KTN1: variants seen among roughly 807,000 people sequenced by gnomAD.
KTN1 encodes the protein kinectin.
KTN1 carries 130 observed loss-of-function variants against 222.5 expected under a neutral mutation model. The observed-to-expected ratio is 0.58, with a 90% confidence interval of 0.51 to 0.68. The LOEUF is 0.68. Among genes scored for constraint, KTN1 ranks in the 30% least tolerant of loss-of-function variants. KTN1 has a pLI of 0.00. For synonymous variants in KTN1, 512 were observed against 496.3 expected (o/e 1.03, Z -0.42); for missense variants, 1,508 against 1,500.4 (o/e 1.01, Z -0.08).
chr14:55,644,175 A>T, intron 18 of KTN1: 258 of 374,732 alleles, frequency 6.9e-4, no homozygotes, highest in Middle Eastern at 1.5e-3. Context: ...AGTCGTTTTT[A>T]TTGTTGCTGC....
chr14:55,592,979 T>C (rs183090963), intron 1 of KTN1, among the ~76,000 whole-genome samples: 8 of 152,348 alleles, frequency 5.3e-5, no homozygotes, highest in African/African-American at 1.9e-4. Flanking sequence ...AATTGTTCTA[T>C]CATTTTTTTC....
At chr14:55,614,092 TATAG>T (rs1320757568) in intron 2 of KTN1, among the ~76,000 whole-genome samples, 1 of 151,912 alleles carries the variant, frequency 6.6e-6, no homozygotes, top group East Asian at 1.9e-4. Flanking sequence ...CAACGTGAGG[TATAG>T]AGAGTGGTAG....
At chr14:55,616,049 C>G (rs2038345247) in intron 2 of KTN1, among the ~76,000 whole-genome samples, 1 of 151,950 alleles carries the variant, frequency 6.6e-6, no homozygotes, top group Non-Finnish European at 1.5e-5. Flanking sequence ...GTAGCTGGAA[C>G]TACAGGTGTG....
intron 9 of KTN1, 84 bp downstream of exon 9, chr14:55,634,742 C>T (rs945426074): frequency 2.9e-5 from 33 of 1,148,020 alleles, no homozygotes; most frequent in African/African-American, 8.0e-5. Flanking sequence ...AAGAACTGCC[C>T]GAGACTGGGT....
At chr14:55,657,990 T>C (rs978541132) in intron 29 of KTN1, among the ~76,000 whole-genome samples, 1 of 151,342 alleles carries the variant, frequency 6.6e-6, no homozygotes, top group African/African-American at 2.5e-5. Flanking sequence ...GCTTATTTAG[T>C]GTAACTTATT....
At position 55,636,553 on chromosome 14, in the gene KTN1, T is replaced by C. The variant is rs767723678; in HGVS notation, c.1549+17T>C. The C allele has an allele frequency of 6.3e-7, 1 of 1,576,074 alleles. No individual in the cohort carries two copies. Among genetic ancestry groups the C allele is most frequent in the Non-Finnish European group, 8.7e-7 (1 of 1,152,518 alleles). ...CACAGCAAGGTAAGGGGAAGAAGTA[T>C]TCATGTAAACTTTGTATATAATTTT... On this transcript the variant is annotated intron_variant, in intron 10 of 43. Coordinates refer to ENST00000395314, the MANE Select transcript of KTN1 (RefSeq NM_001079521.2).
chr14:55,607,885 A>G (rs921927420), intron 1 of KTN1, among the ~76,000 whole-genome samples: 1 of 152,188 alleles, frequency 6.6e-6, no homozygotes, highest in Admixed American at 6.5e-5. Context: ...GTGTATATAT[A>G]GAGACCCCAT....
intron 43 of KTN1, 54 bp downstream of exon 43, chr14:55,679,739 G>C: frequency 6.4e-7 from 1 of 1,552,960 alleles, no homozygotes; most frequent in South Asian, 1.1e-5. Context: ...ATGTGTCTGT[G>C]TAATGTGTAT....
At chr14:55,672,792 A>G (rs2045563141) in intron 38 of KTN1, 91 bp downstream of exon 38, 1 of 1,060,568 alleles carries the variant, frequency 9.4e-7, no homozygotes, top group African/African-American at 1.6e-5. Flanking sequence ...ATTACTTTAT[A>G]GTTATGCTCT....
rs151206983 is a variant in KTN1 at position 55,642,861 on chromosome 14, G to T, written c.2172+1101G>T. ...TAAACTAAAGGTAATAGAGGAGACA[G>T]TGCTGAAGGGATGATATTTAGTTTA... On this transcript the variant is annotated intron_variant, in intron 18 of 43. Coordinates refer to ENST00000395314, the MANE Select transcript of KTN1 (RefSeq NM_001079521.2). Among the ~76,000 whole-genome samples the T allele has an allele frequency of 4.3e-3, 649 of 151,716 alleles. 3 individuals are homozygous for T. Among genetic ancestry groups the T allele is most frequent in the Middle Eastern group, 0.017 (5 of 288 alleles).
At chr14:55,673,037 A>G in intron 39 of KTN1, 25 bp downstream of exon 39, 1 of 1,581,278 alleles carries the variant, frequency 6.3e-7, no homozygotes, top group Non-Finnish European at 8.7e-7. Flanking sequence ...ATCTTTTCAA[A>G]CTTGCTTCTC....
At chr14:55,629,375 G>A (rs1390479668) in intron 6 of KTN1, among the ~76,000 whole-genome samples, 1 of 137,726 alleles carries the variant, frequency 7.3e-6, no homozygotes, top group Non-Finnish European at 1.5e-5. Context: ...CCGAGATCAC[G>A]CCACTGCTCT....
In KTN1 at chr14:55,634,519, T is replaced by G. The variant is rs570199050; in HGVS notation, c.1329-7T>G. ...CGGAAGGCTCCTAATCCAGTTACTG[T>G]TTTCAGGCAGTCTGCAGAACTAAAT... On this transcript the variant is annotated splice_region_variant and splice_polypyrimidine_tract_variant and intron_variant, in intron 8 of 43. Transcript: ENST00000395314. 55 of 1,601,682 alleles carry G rather than the reference T, an allele frequency of 3.4e-5. No individual in the cohort carries two copies. The South Asian group carries it at 5.8e-4, about 17-fold the overall frequency.
chr14:55,635,809 C>A (rs2041057957), intron 9 of KTN1, among the ~76,000 whole-genome samples: 1 of 152,096 alleles, frequency 6.6e-6, no homozygotes. Context: ...TACTTTGATA[C>A]CAGTTCCAGA....
At chr14:55,682,250 T>G (rs2046438237) in intron 43 of KTN1, 1 of 152,056 alleles carries the variant, frequency 6.6e-6, no homozygotes, top group Admixed American at 6.6e-5. Context: ...TTTGGAAATT[T>G]TTTTCCCCAT....
intron 24 of KTN1, 98 bp from the exon 25 acceptor site, chr14:55,651,792 C>G: frequency 1.3e-6 from 1 of 749,192 alleles, no homozygotes; most frequent in East Asian, 2.8e-5. Context: ...CAGCTAGTTT[C>G]TTTGTAATTT....
intron 40 of KTN1, chr14:55,675,493 G>A (rs546048619): frequency 5.7e-6 from 1 of 175,740 alleles, no homozygotes; most frequent in South Asian, 1.5e-4. Context: ...AAAAACTAAC[G>A]GGTAAAGTAT....
intron 2 of KTN1, among the ~76,000 whole-genome samples, chr14:55,614,229 A>G (rs2038020432): frequency 6.6e-6 from 1 of 152,176 alleles, no homozygotes; most frequent in Admixed American, 6.5e-5. Flanking sequence ...TTACATGGTC[A>G]TATTTCTGTT....
At chr14:55,658,088 C>T (rs934293795) in intron 29 of KTN1, among the ~76,000 whole-genome samples, 4 of 152,052 alleles carry the variant, frequency 2.6e-5, no homozygotes, top group Admixed American at 2.0e-4. Flanking sequence ...GTAGTAATTC[C>T]GTTCCCCAGG....
Sources: gnomAD v4.1 joint callset for allele counts (sites outside exome capture counted in the v4.1 genomes callset) on GRCh38, gnomAD v4.1.1 for gene constraint, MANE v1.5 for transcripts, NCBI Gene and HGNC (gene_info 2026-07-23, HGNC 2026-07-21) for gene names.